Variants in CHRM3 observed in about 807,000 individuals in gnomAD.
CHRM3 encodes cholinergic receptor muscarinic 3.
In CHRM3, 11 loss-of-function variants were observed where a neutral mutation model predicts 41.8. The observed-to-expected ratio is 0.26, with a 90% CI of 0.17 to 0.44. The LOEUF (loss-of-function observed/expected upper bound fraction) is 0.44. Among genes scored for constraint, CHRM3 ranks in the 20% least tolerant of loss-of-function variants. The pLI, the probability that CHRM3 is intolerant of heterozygous loss-of-function variation, is 1.00. For missense variants in CHRM3, 571 were observed against 745.4 expected, an observed-to-expected ratio of 0.77 and a Z score of 2.72; for synonymous variants, 297 against 301.4, an observed-to-expected ratio of 0.99 and a Z score of 0.15.
At chr1:239,505,728 A>G (rs1398874929) in intron 2 of CHRM3, among the ~76,000 whole-genome samples, 1 of 152,226 alleles carries the variant, frequency 6.6e-6, no homozygotes, top group Non-Finnish European at 1.5e-5. Flanking sequence ...GAACTGGGTA[A>G]CAGGCAGATG....
intron 3 of CHRM3, among the ~76,000 whole-genome samples, chr1:239,561,511 C>G (rs941553809): frequency 6.6e-6 from 1 of 152,038 alleles, no homozygotes; most frequent in African/African-American, 2.4e-5. Flanking sequence ...AGCTTCCTGC[C>G]TATTGACTAT....
intron 4 of CHRM3, among the ~76,000 whole-genome samples, chr1:239,656,760 C>T (rs1331581314): frequency 6.6e-6 from 1 of 152,012 alleles, no homozygotes; most frequent in African/African-American, 2.4e-5. Flanking sequence ...TACGAGTTAA[C>T]AAATATATTA....
chr1:239,706,140 TATA>T (rs1371969068), intron 5 of CHRM3, among the ~76,000 whole-genome samples: 1 of 149,470 alleles, frequency 6.7e-6, no homozygotes, highest in Non-Finnish European at 1.5e-5. Context: ...ACAACTAAAT[TATA>T]ATAAATACAA....
intron 5 of CHRM3, among the ~76,000 whole-genome samples, chr1:239,781,001 G>A (rs1417950213): frequency 6.6e-6 from 1 of 152,124 alleles, no homozygotes; most frequent in East Asian, 1.9e-4. Context: ...ATAGAACACT[G>A]TCTTGATTAT....
intron 1 of CHRM3, among the ~76,000 whole-genome samples, chr1:239,406,969 T>G (rs575526280): frequency 1.3e-5 from 2 of 152,298 alleles, no homozygotes; most frequent in East Asian, 3.9e-4. Context: ...TTTCTTCTTT[T>G]AAGGGATTTC....
At chr1:239,733,305 T>C (rs113715187) in intron 5 of CHRM3, among the ~76,000 whole-genome samples, 108 of 152,122 alleles carry the variant, frequency 7.1e-4, no homozygotes, top group African/African-American at 2.5e-3. Flanking sequence ...TCCCCCAAAG[T>C]ACGCATAGTT....
intron 2 of CHRM3, among the ~76,000 whole-genome samples, chr1:239,532,495 T>A (rs532010536): frequency 6.6e-6 from 1 of 150,636 alleles, no homozygotes; most frequent in Admixed American, 6.6e-5. Flanking sequence ...CATGGTGGTG[T>A]GTGCCTGTAG....
intron 6 of CHRM3, among the ~76,000 whole-genome samples, chr1:239,903,433 G>A (rs1679733517): frequency 6.6e-6 from 1 of 152,174 alleles, no homozygotes; most frequent in South Asian, 2.1e-4. Flanking sequence ...TGCAGAGGCT[G>A]TGGAATCCCT....
chr1:239,587,414 T>A (rs1296675284), intron 3 of CHRM3, among the ~76,000 whole-genome samples: 3 of 152,172 alleles, frequency 2.0e-5, no homozygotes, highest in Admixed American at 1.3e-4. Context: ...ATAAGCTAGA[T>A]AGAGAGTCCT....
chr1:239,798,429 C>T (rs1669964994), intron 5 of CHRM3, among the ~76,000 whole-genome samples: 1 of 152,130 alleles, frequency 6.6e-6, no homozygotes, highest in Admixed American at 6.5e-5. Flanking sequence ...AATATAAGCT[C>T]CTTGATGGCA....
At chr1:239,473,351 A>T (rs1666260488) in intron 1 of CHRM3, among the ~76,000 whole-genome samples, 1 of 151,964 alleles carries the variant, frequency 6.6e-6, no homozygotes, top group South Asian at 2.1e-4. Flanking sequence ...ACCAAACTAG[A>T]TTGGCATTTA....
At chr1:239,580,266 A>G (rs1204622877) in intron 3 of CHRM3, among the ~76,000 whole-genome samples, 1 of 101,274 alleles carries the variant, frequency 9.9e-6, no homozygotes, top group South Asian at 3.4e-4. Context: ...TGTCACACAC[A>G]CACACACACA....
intron 2 of CHRM3, among the ~76,000 whole-genome samples, chr1:239,499,648 G>T (rs566237458): frequency 6.6e-6 from 1 of 152,242 alleles, no homozygotes; most frequent in Admixed American, 6.5e-5. Flanking sequence ...TCCGCAAAAG[G>T]ATCTTCACTT....
intron 5 of CHRM3, among the ~76,000 whole-genome samples, chr1:239,740,914 A>T (rs763447595): frequency 2.0e-5 from 3 of 152,164 alleles, no homozygotes; most frequent in Non-Finnish European, 1.5e-5. Context: ...GGTTAAATTT[A>T]GATATTAAAT....
chr1:239,563,993 T>C (rs1048963206), intron 3 of CHRM3, among the ~76,000 whole-genome samples: 3 of 152,152 alleles, frequency 2.0e-5, no homozygotes, highest in Non-Finnish European at 4.4e-5. Context: ...AAAAATTTAA[T>C]AGCAAAAAAT....
At chr1:239,780,002 T>C (rs1668393665) in intron 5 of CHRM3, among the ~76,000 whole-genome samples, 1 of 152,264 alleles carries the variant, frequency 6.6e-6, no homozygotes, top group African/African-American at 2.4e-5. Flanking sequence ...TATTCCATTG[T>C]ACTGCAGTTT....
chr1:239,410,169 C>T (rs1660954903), intron 1 of CHRM3, among the ~76,000 whole-genome samples: 1 of 152,160 alleles, frequency 6.6e-6, no homozygotes, highest in Admixed American at 6.5e-5. Context: ...GTAGTGCTCT[C>T]ATGCTCCCAG....
At chr1:239,574,386 A>G (rs1166299628) in intron 3 of CHRM3, among the ~76,000 whole-genome samples, 1 of 151,574 alleles carries the variant, frequency 6.6e-6, no homozygotes, top group Non-Finnish European at 1.5e-5. Context: ...GCTGGTCCTC[A>G]TTTGGGCCAC....
rs1191964372 is a variant in CHRM3 at position 239,560,482 on chromosome 1, G to T, written c.-313+14733G>T. On this transcript the variant is annotated intron_variant, in intron 3 of 6. Transcript: ENST00000676153. ...AGGTAATTTATATATTTGCACAAAT[G>T]TGTGATCACATTCCTCATACCTCTT... 2.0e-5 allele frequency among the ~76,000 whole-genome samples: 3 copies of T among 152,034 alleles called. No individual in the cohort carries two copies. The East Asian group carries it at 5.8e-4, about 29-fold the overall frequency.
Sources: gnomAD v4.1 joint callset for allele counts (sites outside exome capture counted in the v4.1 genomes callset) on GRCh38, gnomAD v4.1.1 for gene constraint, MANE v1.5 for transcripts, NCBI Gene and HGNC (gene_info 2026-07-23, HGNC 2026-07-21) for gene names.